Variants in TNFRSF10B observed in about 807,000 individuals in gnomAD.
TNFRSF10B encodes TNF receptor superfamily member 10b.
A neutral mutation model predicts 41.4 loss-of-function variants in TNFRSF10B; 35 were observed. The ratio of observed to expected loss-of-function variants is 0.85; its 90% confidence interval spans 0.65 to 1.12. TNFRSF10B has a LOEUF of 1.12. Among genes scored for constraint, TNFRSF10B ranks in the 50% most tolerant of loss-of-function variants. TNFRSF10B has a pLI of 0.00. For synonymous variants in TNFRSF10B, 230 were observed against 215.5 expected (o/e 1.07, Z -0.59); for missense variants, 584 against 552.7 (o/e 1.06, Z -0.57).
chr8:23,032,632 A>T (rs1285589732), intron 2 of TNFRSF10B, among the ~76,000 whole-genome samples: 2 of 152,158 alleles, frequency 1.3e-5, no homozygotes, highest in Non-Finnish European at 2.9e-5. Flanking sequence ...CACCATTTTG[A>T]TCTATGAACA....
At chr8:23,048,931 T>A (rs1228493405) in intron 1 of TNFRSF10B, among the ~76,000 whole-genome samples, 5 of 152,158 alleles carry the variant, frequency 3.3e-5, no homozygotes, top group African/African-American at 4.8e-5. Context: ...TAAAAATTTT[T>A]AAAAAATTTT....
chr8:23,027,956 T>A (rs1251832541), intron 5 of TNFRSF10B: 2 of 641,070 alleles, frequency 3.1e-6, no homozygotes, highest in Non-Finnish European at 5.4e-6. Flanking sequence ...AAACAAACAC[T>A]TGGAAAATCT....
chr8:23,030,778 G>A lies in TNFRSF10B; in HGVS notation c.345C>T (p.Arg115=). 1 of 1,612,892 alleles carries A rather than the reference G, an allele frequency of 6.2e-7. No individual in the cohort carries two copies. Among genetic ancestry groups the A allele is most frequent in the East Asian group, 2.2e-5 (1 of 44,856 alleles). The part of the protein sequence containing the change: ...THWNDLLFCL[R]CTRCDSGEVE... ...CTGTACCTGAATCACACCTGGTGCA[G>A]CGCAAGCAGAAAAGGAGGTCATTCC... Residue 115 remains arginine, a synonymous_variant, in exon 3 of 9, where the codon CGC becomes CGT. Transcript: ENST00000276431.
intron 5 of TNFRSF10B, 132 bp downstream of exon 5, chr8:23,028,199 C>A: frequency 7.9e-7 from 1 of 1,267,442 alleles, no homozygotes; most frequent in African/African-American, 1.5e-5. Flanking sequence ...GGGGTGACCA[C>A]GAGGAGGAGG....
At chr8:23,024,613 G>C (rs1811647007) in intron 7 of TNFRSF10B, among the ~76,000 whole-genome samples, 2 of 151,728 alleles carry the variant, frequency 1.3e-5, no homozygotes, top group Admixed American at 1.3e-4. Context: ...CTCCACCTCT[G>C]GGTTCAAGAG....
chr8:23,043,188 G>C lies in TNFRSF10B; in HGVS notation c.200C>G (p.Ala67Gly), dbSNP rs1047266. The stretch of plus-strand genomic sequence containing the variant: ...GCTGGACCTCTTTTGTTGTGGGGCC[G>C]CTCTCTGCTGGGGAGCTAGGTCTTG... ...TQQDLAPQQR[A>G]APQQKRSSPS... is the part of the protein sequence containing the mutation. The change falls in exon 2 of 9, where the codon GCG (alanine) becomes GGG (glycine). Residue 67 changes from alanine (A) to glycine (G), a missense_variant. By Grantham distance (60) the Ala-to-Gly change is moderately conservative. Coordinates refer to ENST00000276431, the MANE Select transcript of TNFRSF10B (RefSeq NM_003842.5). 6.2e-7 allele frequency: 1 copy of C among 1,613,968 alleles called. No individual in the cohort carries two copies.
At chr8:23,028,197 C>T in intron 5 of TNFRSF10B, 134 bp downstream of exon 5, 1 of 1,242,570 alleles carries the variant, frequency 8.0e-7, no homozygotes. Flanking sequence ...TGGGGGTGAC[C>T]ACGAGGAGGA....
Position 23,067,598 on chromosome 8 carries a change from G to C in TNFRSF10B, c.144+1153C>G, listed in dbSNP as rs375384206. On this transcript the variant is annotated intron_variant, in intron 1 of 8. Coordinates refer to ENST00000276431, the MANE Select transcript of TNFRSF10B (RefSeq NM_003842.5). Reference sequence around the variant, plus strand: ...AGGCCCACAGAAACCACAGCAGGAGGGGGAGGCAGAGGCCCCTGTACACTC... The same window carrying C: ...AGGCCCACAGAAACCACAGCAGGAGCGGGAGGCAGAGGCCCCTGTACACTC... Among the ~76,000 whole-genome samples, 7 of 152,168 alleles carry C rather than the reference G, an allele frequency of 4.6e-5. No homozygotes were observed. The East Asian group carries it at 5.8e-4, about 13-fold the overall frequency.
Position 23,041,050 on chromosome 8 carries a change from A to AT in TNFRSF10B, c.250+2087dup, listed in dbSNP as rs892230480. Among the ~76,000 whole-genome samples, 60 of 110,768 alleles carry AT rather than the reference A, an allele frequency of 5.4e-4. No individual in the cohort carries two copies. The Admixed American group carries it at 5.9e-3, about 11-fold the overall frequency. 72.7% of individuals were successfully genotyped at this position (110,768 alleles called of 152,430 possible). ...AAAATGACTGCAAAGATATATGATA[A>AT]TTTTTTTTTTGTTGTTTTTTTTTTT... On this transcript the variant is annotated intron_variant, in intron 2 of 8. Transcript: ENST00000276431.
chr8:23,022,551 T>C lies in TNFRSF10B; in HGVS notation c.*120A>G. On this transcript the variant is annotated 3_prime_UTR_variant, in exon 9 of 9. Transcript: ENST00000276431. The stretch of plus-strand genomic sequence containing the variant: ...CACTGGGTGATGTTGGATGGGAGAG[T>C]TTCTTCCAGTACCGGTCATGTGACA... 9.3e-7 allele frequency: 1 copy of C among 1,075,910 alleles called. No individual in the cohort carries two copies. The highest frequency in any genetic ancestry group is 1.4e-6 in the Non-Finnish European group (1 of 717,458). 66.6% of individuals were successfully genotyped at this position (1,075,910 alleles called of 1,614,324 possible).
chr8:23,022,610 T>G lies in TNFRSF10B; in HGVS notation c.*61A>C. 2.5e-6 allele frequency: 4 copies of G among 1,595,416 alleles called. No individual in the cohort carries two copies. Among genetic ancestry groups the G allele is most frequent in the Non-Finnish European group, 2.6e-6 (3 of 1,165,204 alleles). ...ACTTTCCTACTGACTGGAGTCCAGT[T>G]GGGCTTTTTCCAGAAAAAAGGTAAA... On this transcript the variant is annotated 3_prime_UTR_variant, in exon 9 of 9. Transcript: ENST00000276431.
intron 1 of TNFRSF10B, among the ~76,000 whole-genome samples, chr8:23,055,700 C>T (rs1365432464): frequency 6.6e-6 from 1 of 151,966 alleles, no homozygotes; most frequent in Non-Finnish European, 1.5e-5. Context: ...AGAAACTCCC[C>T]AGGCCTCCAC....
At position 23,024,183 on chromosome 8, in the gene TNFRSF10B, C is replaced by G. The variant is rs1811630418; in HGVS notation, c.1009+5G>C. 6.2e-7 allele frequency: 1 copy of G among 1,614,000 alleles called. No individual in the cohort carries two copies. Among genetic ancestry groups the G allele is most frequent in the Non-Finnish European group, 8.5e-7 (1 of 1,179,984 alleles). ...CTGCTGCATCTCCAGGAGCAAAACACTTACTCTCAGTGGGATCACCTTCAT... is the reference window on the plus strand; with the variant it reads ...CTGCTGCATCTCCAGGAGCAAAACAGTTACTCTCAGTGGGATCACCTTCAT... On this transcript the variant is annotated splice_donor_5th_base_variant and intron_variant, in intron 8 of 8. Coordinates refer to ENST00000276431, the MANE Select transcript of TNFRSF10B (RefSeq NM_003842.5).
At chr8:23,044,380 C>A (rs1812292894) in intron 1 of TNFRSF10B, among the ~76,000 whole-genome samples, 1 of 152,116 alleles carries the variant, frequency 6.6e-6, no homozygotes, top group Admixed American at 6.5e-5. Flanking sequence ...AGTGAAGGGG[C>A]AACCCACAGG....
intron 1 of TNFRSF10B, among the ~76,000 whole-genome samples, chr8:23,059,515 T>G (rs1364886833): frequency 1.7e-5 from 1 of 59,356 alleles, no homozygotes; most frequent in Non-Finnish European, 3.5e-5. Context: ...GTGTGTTGTT[T>G]TTGTTTTTTG....
chr8:23,033,520 G>A (rs529703800), intron 2 of TNFRSF10B, among the ~76,000 whole-genome samples: 4 of 146,202 alleles, frequency 2.7e-5, no homozygotes, highest in East Asian at 2.1e-4. Context: ...CCCAGGGGCC[G>A]GAGCCTGCAG....
intron 7 of TNFRSF10B, among the ~76,000 whole-genome samples, chr8:23,025,666 C>T (rs1377732787): frequency 6.6e-6 from 1 of 152,146 alleles, no homozygotes. Flanking sequence ...AAATTATCCA[C>T]TGTAGTTACC....
intron 2 of TNFRSF10B, among the ~76,000 whole-genome samples, chr8:23,038,022 C>A (rs1812071425): frequency 6.6e-6 from 1 of 152,176 alleles, no homozygotes. Context: ...CACTTGGCCA[C>A]TTTGGGTTCC....
At chr8:23,040,411 AATAT>A (rs1400250521) in intron 2 of TNFRSF10B, among the ~76,000 whole-genome samples, 1 of 84,140 alleles carries the variant, frequency 1.2e-5, no homozygotes, top group African/African-American at 3.3e-5. Flanking sequence ...ATATATACAA[AATAT>A]ATATTTATTA....
Sources: allele counts gnomAD v4.1 joint callset (sites outside exome capture counted in the v4.1 genomes callset), GRCh38; gene constraint gnomAD v4.1.1; transcripts MANE v1.5; gene names NCBI Gene and HGNC (gene_info 2026-07-23, HGNC 2026-07-21).